Variants in LNPEP observed in about 807,000 individuals in gnomAD.
LNPEP encodes leucyl-cystinyl aminopeptidase.
In LNPEP, 64 loss-of-function variants were observed where a neutral mutation model predicts 120.6. The observed-to-expected ratio is 0.53, with a 90% CI of 0.43 to 0.65. The LOEUF (loss-of-function observed/expected upper bound fraction) is 0.65, where lower values mean the gene tolerates loss of function less well. Among genes scored for constraint, LNPEP ranks in the 30% least tolerant of loss-of-function variants. The pLI, the probability that LNPEP is intolerant of heterozygous loss-of-function variation, is 0.00. For missense variants in LNPEP, 1,057 were observed against 1,200.0 expected, an observed-to-expected ratio of 0.88 and a Z score of 1.76; for synonymous variants, 435 against 425.4, an observed-to-expected ratio of 1.02 and a Z score of -0.28.
rs1376377783 is a variant in LNPEP at position 96,954,753 on chromosome 5, T to C, written c.19+18579T>C. On this transcript the variant is annotated intron_variant, in intron 1 of 17. Transcript: ENST00000231368. ...ATATATACATATATATATACACATA[T>C]ATATATATATATATATATATTTTTT... Among the ~76,000 whole-genome samples, 25 of 32,450 alleles carry C rather than the reference T, an allele frequency of 7.7e-4. 3 individuals are homozygous for C. The highest frequency in any genetic ancestry group is 2.2e-3 in the African/African-American group (16 of 7,282). The allele number at this position is 32,450 out of a possible 152,430, so 21.3% of individuals were successfully genotyped here.
chr5:96,964,291 G>A (rs1789676156), intron 1 of LNPEP, among the ~76,000 whole-genome samples: 1 of 151,386 alleles, frequency 6.6e-6, no homozygotes, highest in African/African-American at 2.4e-5. Context: ...TTAAGATCTT[G>A]GCAGATGAAA....
At chr5:97,026,805 A>G (rs766488325) in intron 16 of LNPEP, 48 bp downstream of exon 16, 11 of 1,530,822 alleles carry the variant, frequency 7.2e-6, no homozygotes, top group South Asian at 1.2e-5. Context: ...CAAGTTGTGC[A>G]TTTGAAAAAA....
At chr5:97,009,949 A>G (rs1790884881) in intron 11 of LNPEP, among the ~76,000 whole-genome samples, 1 of 152,100 alleles carries the variant, frequency 6.6e-6, no homozygotes, top group Non-Finnish European at 1.5e-5. Context: ...TAAATCTTTA[A>G]TATATTTTCT....
intron 13 of LNPEP, among the ~76,000 whole-genome samples, chr5:97,020,366 T>C (rs1308744196): frequency 6.6e-6 from 1 of 152,102 alleles, no homozygotes; most frequent in African/African-American, 2.4e-5. Flanking sequence ...CATGATTACT[T>C]GAGATGAGAT....
intron 1 of LNPEP, among the ~76,000 whole-genome samples, chr5:96,969,783 ATTC>A (rs1474922897): frequency 6.0e-5 from 9 of 150,088 alleles, no homozygotes; most frequent in African/African-American, 2.2e-4. Flanking sequence ...TTAATTTGGT[ATTC>A]TTTTCTAGGT....
At position 96,971,345 on chromosome 5, in the gene LNPEP, TTGTGTGTGTG is replaced by T. The variant is rs3076561; in HGVS notation, c.20-7763_20-7754del. Among the ~76,000 whole-genome samples, 335 of 142,914 alleles carry T rather than the reference TTGTGTGTGTG, an allele frequency of 2.3e-3. 4 individuals carry two copies. Among genetic ancestry groups the T allele is most frequent in the African/African-American group, 7.9e-3 (302 of 38,444 alleles). 93.8% of individuals were successfully genotyped at this position (142,914 alleles called of 152,430 possible). Reference sequence around the variant, plus strand: ...CATGATGTGCTTAAGACATTATTATTTGTGTGTGTGTGTGTGTGTGTGTGTGTGTGTGTGT... The same window carrying T: ...CATGATGTGCTTAAGACATTATTATTTGTGTGTGTGTGTGTGTGTGTGTGT... On this transcript the variant is annotated intron_variant, in intron 1 of 17. Coordinates refer to ENST00000231368, the MANE Select transcript of LNPEP (RefSeq NM_005575.3).
intron 6 of LNPEP, among the ~76,000 whole-genome samples, chr5:96,994,755 T>A (rs982431022): frequency 1.3e-5 from 2 of 152,194 alleles, no homozygotes; most frequent in Non-Finnish European, 2.9e-5. Flanking sequence ...CTTATATGAA[T>A]CTAGCCTTTG....
intron 1 of LNPEP, chr5:96,958,729 C>T (rs576479887): frequency 1.3e-5 from 2 of 152,164 alleles, no homozygotes; most frequent in East Asian, 1.9e-4. Flanking sequence ...AGGTCGTCCA[C>T]ATTCCTTGGC....
chr5:96,989,960 G>T (rs1227756994), intron 4 of LNPEP, among the ~76,000 whole-genome samples: 1 of 152,166 alleles, frequency 6.6e-6, no homozygotes, highest in Non-Finnish European at 1.5e-5. Flanking sequence ...CTAAGGAAAG[G>T]TGCTCAGTGA....
At chr5:96,942,671 A>G (rs1456797170) in intron 1 of LNPEP, among the ~76,000 whole-genome samples, 1 of 113,618 alleles carries the variant, frequency 8.8e-6, no homozygotes, top group East Asian at 2.9e-4. Context: ...AAAAAAAAAA[A>G]TACGAGAACA....
At chr5:97,026,201 A>G (rs1025862748) in intron 15 of LNPEP, among the ~76,000 whole-genome samples, 12 of 152,176 alleles carry the variant, frequency 7.9e-5, no homozygotes, top group African/African-American at 2.7e-4. Context: ...TAATAAGAGT[A>G]TATTCTGAAA....
intron 2 of LNPEP, among the ~76,000 whole-genome samples, chr5:96,982,441 G>A (rs2161548): frequency 0.4 from 61,288 of 152,060 alleles, 12,423 homozygotes; most frequent in Non-Finnish European, 0.43. Flanking sequence ...TTATCAAGCA[G>A]CAGCCTTCTC....
At chr5:96,951,322 G>A (rs1035028887) in intron 1 of LNPEP, among the ~76,000 whole-genome samples, 2 of 151,946 alleles carry the variant, frequency 1.3e-5, no homozygotes, top group Admixed American at 6.6e-5. Flanking sequence ...GCAGTGGCGC[G>A]ATCTCAGCTC....
Position 96,996,373 on chromosome 5 carries a change from G to GTTTTCTCTCCCC in LNPEP, c.1408-16_1408-5dup. 7.3e-7 allele frequency: 1 copy of GTTTTCTCTCCCC among 1,374,786 alleles called. No individual in the cohort carries two copies. The highest frequency in any genetic ancestry group is 1.0e-6 in the Non-Finnish European group (1 of 989,506). 85.2% of individuals were successfully genotyped at this position (1,374,786 alleles called of 1,614,324 possible). A position where few individuals can be genotyped will look rare whatever the true frequency, so the allele number is the denominator to read the frequency against. On this transcript the variant is annotated splice_polypyrimidine_tract_variant and intron_variant, in intron 6 of 17. Transcript: ENST00000231368. ...GCTGTAAATATCCTGTGGGTTAATT[G>GTTTTCTCTCCCC]TTTTCTCTCCCCCCAGTGGTTTGGC...
intron 4 of LNPEP, among the ~76,000 whole-genome samples, chr5:96,988,495 C>T (rs38037): frequency 0.5 from 76,143 of 151,270 alleles, 19,353 homozygotes; most frequent in Middle Eastern, 0.58. Flanking sequence ...CCCTCCACCA[C>T]GCCCGGCTAA....
chr5:96,948,665 G>C (rs1456161292), intron 1 of LNPEP, among the ~76,000 whole-genome samples: 2 of 152,156 alleles, frequency 1.3e-5, no homozygotes, highest in African/African-American at 4.8e-5. Context: ...TTACATTCTT[G>C]TGGAATTGTT....
rs912810737 is a variant in LNPEP, at chr5:97,033,550, T to C, written c.*5017T>C. The C allele has an allele frequency of 1.3e-5, 2 of 152,186 alleles. No individual in the cohort carries two copies. The highest frequency in any genetic ancestry group is 6.5e-5 in the Admixed American group (1 of 15,276). The allele number at this position is 152,186 out of a possible 1,614,324, so 9.4% of individuals were successfully genotyped here. ...GGAGAGGTTTCAAGGTAAGAGTATATACTTTAAACATGTATATAAATGTTT... is the reference window on the plus strand; with the variant it reads ...GGAGAGGTTTCAAGGTAAGAGTATACACTTTAAACATGTATATAAATGTTT... On this transcript the variant is annotated 3_prime_UTR_variant, in exon 18 of 18. Transcript: ENST00000231368.
intron 4 of LNPEP, among the ~76,000 whole-genome samples, chr5:96,989,699 A>G (rs926022634): frequency 6.6e-6 from 1 of 151,980 alleles, no homozygotes; most frequent in Admixed American, 6.6e-5. Flanking sequence ...TTGCTGAGCT[A>G]TGTTGCTCTC....
chr5:96,997,619 A>C (rs908946673), intron 7 of LNPEP, among the ~76,000 whole-genome samples: 1 of 152,246 alleles, frequency 6.6e-6, no homozygotes, highest in South Asian at 2.1e-4. Flanking sequence ...TATATAAGAA[A>C]TCAGCGTAAG....
Sources: allele counts gnomAD v4.1 joint callset (sites outside exome capture counted in the v4.1 genomes callset), GRCh38; gene constraint gnomAD v4.1.1; transcripts MANE v1.5; gene names NCBI Gene and HGNC (gene_info 2026-07-23, HGNC 2026-07-21).